Variants in KLRK1 observed in about 807,000 individuals in gnomAD.
The protein encoded by KLRK1 is NKG2-D type II integral membrane protein.
A neutral mutation model predicts 31.3 loss-of-function variants in KLRK1; 40 were observed. The observed-to-expected ratio is 1.28, with a 90% CI of 0.99 to 1.67. The LOEUF is 1.67. Ranked by LOEUF, KLRK1 falls within the 40% of genes most tolerant of loss-of-function variation. KLRK1 has a pLI of 0.00. For missense variants in KLRK1, 251 were observed against 260.0 expected, an observed-to-expected ratio of 0.97 and a Z score of 0.24; for synonymous variants, 77 against 77.3, an observed-to-expected ratio of 1.00 and a Z score of 0.02.
chr12:10,384,347 A>G (rs759105296), intron 3 of KLRK1, among the ~76,000 whole-genome samples: 1 of 152,108 alleles, frequency 6.6e-6, no homozygotes, highest in Non-Finnish European at 1.5e-5. Flanking sequence ...CCTGACTTCA[A>G]TATATACGAC....
intron 2 of KLRK1, among the ~76,000 whole-genome samples, 158 bp from the exon 3 acceptor site, chr12:10,387,168 T>C (rs998908082): frequency 3.3e-5 from 5 of 152,232 alleles, no homozygotes; most frequent in Admixed American, 3.3e-4. Flanking sequence ...AGTACTACAT[T>C]ATTATGTTTA....
intron 5 of KLRK1, 110 bp downstream of exon 5, chr12:10,379,337 G>T: frequency 3.6e-6 from 2 of 549,780 alleles, no homozygotes; most frequent in Non-Finnish European, 5.7e-6. Context: ...GTGTATTACA[G>T]ACTAGAATTA....
chr12:10,375,513 TTAAC>T (rs1862948196), intron 7 of KLRK1, among the ~76,000 whole-genome samples: 1 of 152,220 alleles, frequency 6.6e-6, no homozygotes, highest in Non-Finnish European at 1.5e-5. Context: ...AAGCACCTAA[TTAAC>T]CTAATTTTAA....
At chr12:10,379,505 TA>T (rs1207584379) in intron 4 of KLRK1, 23 bp from the exon 5 acceptor site, 2 of 1,443,782 alleles carry the variant, frequency 1.4e-6, no homozygotes, top group Non-Finnish European at 1.9e-6. Flanking sequence ...CCATAAGTAT[TA>T]AAAGTTTGTA....
At chr12:10,373,420 T>C (rs1862899801) in intron 7 of KLRK1, among the ~76,000 whole-genome samples, 189 bp from the exon 8 acceptor site, 1 of 152,150 alleles carries the variant, frequency 6.6e-6, no homozygotes, top group Non-Finnish European at 1.5e-5. Flanking sequence ...TTATAAATAA[T>C]GCGCCACTCT....
chr12:10,388,581 GA>G (rs1252379498), intron 2 of KLRK1, among the ~76,000 whole-genome samples, 189 bp downstream of exon 2: 7 of 151,938 alleles, frequency 4.6e-5, no homozygotes, highest in Non-Finnish European at 8.8e-5. Flanking sequence ...AAAATAAAGG[GA>G]AAAAAGTTTT....
At position 10,378,218 on chromosome 12, in the gene KLRK1, CA is replaced by C; in HGVS notation, c.446del (p.Val149GlyfsTer9). On this transcript the variant is annotated frameshift_variant, in exon 7 of 8. Coordinates refer to ENST00000240618, the MANE Select transcript of KLRK1 (RefSeq NM_007360.4). LOFTEE classifies it high-confidence loss of function. ...SKEDQDLLKL[V>X]KSYHWMGLVH... is the part of the protein sequence containing the mutation. ...CTAGTCCCATCCAATGATATGACTTCACCAGTTTAAGTAAATCCTGTTTGAA... is the reference window on the plus strand; with the variant it reads ...CTAGTCCCATCCAATGATATGACTTCCCAGTTTAAGTAAATCCTGTTTGAA... The C allele has an allele frequency of 6.2e-7, 1 of 1,613,074 alleles. No homozygotes were observed. Among genetic ancestry groups the C allele is most frequent in the Non-Finnish European group, 8.5e-7 (1 of 1,179,740 alleles).
chr12:10,381,612 T>G (rs1863076670), intron 3 of KLRK1, among the ~76,000 whole-genome samples: 1 of 149,410 alleles, frequency 6.7e-6, no homozygotes, highest in Non-Finnish European at 1.5e-5. Flanking sequence ...AGAAAACAAT[T>G]AAGAAAATGG....
intron 7 of KLRK1, among the ~76,000 whole-genome samples, chr12:10,374,915 A>G (rs1391149111): frequency 6.6e-6 from 1 of 152,234 alleles, no homozygotes; most frequent in Non-Finnish European, 1.5e-5. Context: ...TATTTACTAC[A>G]TGCATAAACA....
At chr12:10,380,059 G>T (rs776341867) in intron 3 of KLRK1, among the ~76,000 whole-genome samples, 70 of 83,766 alleles carry the variant, frequency 8.4e-4, no homozygotes, top group African/African-American at 3.0e-3. Context: ...TGTTGTTATT[G>T]TTTTTTTTTT....
rs143021072 is a variant in KLRK1, at chr12:10,379,448, G to A, written c.276C>T (p.Thr92=). 7.2e-5 allele frequency: 105 copies of A among 1,453,404 alleles called. No individual in the cohort carries two copies. The highest frequency in any genetic ancestry group is 1.5e-4 in the South Asian group (12 of 77,446). 90.0% of individuals were successfully genotyped at this position (1,453,404 alleles called of 1,614,324 possible). The change falls in exon 5 of 8, where the codon ACC becomes ACT. Residue 92 remains threonine, a splice_region_variant and synonymous_variant. Transcript: ENST00000240618. ...LFNQEVQIPL[T]ESYCGPCPKN... is the part of the protein sequence containing the mutation. Reference sequence around the variant, plus strand: ...AAAATATTTTAAAAATTCACTTACCGGTCAAGGGAATTTGAACTTCTTGGT... The same window carrying A: ...AAAATATTTTAAAAATTCACTTACCAGTCAAGGGAATTTGAACTTCTTGGT...
At chr12:10,387,042 C>T in intron 2 of KLRK1, 32 bp from the exon 3 acceptor site, 1 of 1,550,594 alleles carries the variant, frequency 6.4e-7, no homozygotes, top group Non-Finnish European at 8.8e-7. Context: ...TTATATGAGT[C>T]ATGGCCTTTC....
intron 7 of KLRK1, among the ~76,000 whole-genome samples, chr12:10,374,658 C>G (rs1239673977): frequency 6.7e-6 from 1 of 148,372 alleles, no homozygotes; most frequent in Admixed American, 6.7e-5. Context: ...GGATCACAGG[C>G]GTGAGCCACT....
chr12:10,378,604 A>C lies in KLRK1; in HGVS notation c.379T>G (p.Cys127Gly). The C allele has an allele frequency of 6.2e-7, 1 of 1,612,358 alleles. No individual in the cohort carries two copies. The highest frequency in any genetic ancestry group is 2.2e-5 in the East Asian group (1 of 44,850). Residue 127 changes from cysteine to glycine, a missense_variant, in exon 6 of 8, where the codon TGT (cysteine) becomes GGT (glycine). Transcript: ENST00000240618. ...AGAAGGCTGGCATTTTGAGACATACAAGAAGCCTGGCTCTCATACCAGTTT... is the reference window on the plus strand; with the variant it reads ...AGAAGGCTGGCATTTTGAGACATACCAGAAGCCTGGCTCTCATACCAGTTT... ...SKNWYESQAS[C>G]MSQNASLLKV...
intron 1 of KLRK1, among the ~76,000 whole-genome samples, chr12:10,389,625 T>C (rs1400212206): frequency 1.3e-5 from 2 of 152,136 alleles, no homozygotes; most frequent in Non-Finnish European, 2.9e-5. Flanking sequence ...TTTGACAATT[T>C]AAATTGAATC....
chr12:10,373,999 T>TAA (rs1217970648), intron 7 of KLRK1: 4 of 152,224 alleles, frequency 2.6e-5, no homozygotes, highest in Non-Finnish European at 5.9e-5. Flanking sequence ...AAACTATTCT[T>TAA]AAAGAGTTTT....
intron 3 of KLRK1, among the ~76,000 whole-genome samples, chr12:10,383,752 A>C (rs1422952612): frequency 2.0e-5 from 3 of 152,128 alleles, no homozygotes; most frequent in African/African-American, 4.8e-5. Flanking sequence ...ATGCTAGGTG[A>C]TAAGTCTCAA....
Position 10,379,789 on chromosome 12 carries a change from G to A in KLRK1, c.152C>T (p.Ser51Phe). ...GATGAAGCAGCAGAAAAAAAATGGA[G>A]ATGCTGTCAAAGAAAAAAGACACAG... ...VVKSKCRENA[S>F]PFFFCCFIAV... Residue 51 changes from serine (S) to phenylalanine (F), a missense_variant, in exon 4 of 8, where the codon TCT becomes TTT. Transcript: ENST00000240618. 6.2e-7 allele frequency: 1 copy of A among 1,610,410 alleles called. No homozygotes were observed. Among genetic ancestry groups the A allele is most frequent in the Non-Finnish European group, 8.5e-7 (1 of 1,178,430 alleles).
chr12:10,378,121 C>T lies in KLRK1; in HGVS notation c.533+11G>A. On this transcript the variant is annotated intron_variant, in intron 7 of 7. Coordinates refer to ENST00000240618, the MANE Select transcript of KLRK1 (RefSeq NM_007360.4). ...ATTAAAAAGAAGAGACTCATTGGGT[C>T]AGAGACTTACAGGTTGGGTGAGAGA... is the stretch of plus-strand genomic sequence containing the variant. 1 of 1,610,892 alleles carries T rather than the reference C, an allele frequency of 6.2e-7. No individual in the cohort carries two copies. The highest frequency in any genetic ancestry group is 8.5e-7 in the Non-Finnish European group (1 of 1,178,986).
Sources: allele counts gnomAD v4.1 joint callset (sites outside exome capture counted in the v4.1 genomes callset), GRCh38; gene constraint gnomAD v4.1.1; transcripts MANE v1.5; gene names NCBI Gene and HGNC (gene_info 2026-07-23, HGNC 2026-07-21).